ADK: variants seen among roughly 807,000 people sequenced by gnomAD.
ADK encodes the protein adenosine kinase.
ADK carries 24 observed loss-of-function variants against 44.7 expected under a neutral mutation model. The ratio of observed to expected loss-of-function variants is 0.54; its 90% CI spans 0.39 to 0.76. The LOEUF is 0.76. ADK is among the 30% of genes least tolerant of loss of function. The pLI, the probability that ADK is intolerant of heterozygous loss-of-function variation, is 0.00. For synonymous variants in ADK, 128 were observed against 142.6 expected (o/e 0.90, Z 0.73); for missense variants, 321 against 425.1 (o/e 0.76, Z 2.15).
rs574634154 is a variant in ADK, at chr10:74,175,859, C to T, written c.65+24516C>T. On this transcript the variant is annotated intron_variant, in intron 1 of 10. Coordinates refer to ENST00000539909, the MANE Select transcript of ADK (RefSeq NM_006721.4). Reference sequence around the variant, plus strand: ...AAGCATTTACTGATTCCCCCCTTTTCATAGTTGGAGTTAATTTTCCTTTTA... The same window carrying T: ...AAGCATTTACTGATTCCCCCCTTTTTATAGTTGGAGTTAATTTTCCTTTTA... Among the ~76,000 whole-genome samples the T allele has an allele frequency of 7.2e-5, 11 of 152,364 alleles. No individual in the cohort carries two copies. The South Asian group carries it at 1.7e-3, about 23-fold the overall frequency.
At chr10:74,158,287 G>A (rs1477382666) in intron 1 of ADK, among the ~76,000 whole-genome samples, 1 of 152,176 alleles carries the variant, frequency 6.6e-6, no homozygotes. Flanking sequence ...AAGTGGCCAA[G>A]TGCTGTGTGG....
At chr10:74,487,706 C>T (rs1847313454) in intron 6 of ADK, among the ~76,000 whole-genome samples, 1 of 151,924 alleles carries the variant, frequency 6.6e-6, no homozygotes, top group Admixed American at 6.6e-5. Context: ...ATATTGTATT[C>T]AGCTTTCCAT....
chr10:74,624,225 T>C (rs908727721), intron 9 of ADK, among the ~76,000 whole-genome samples: 3 of 151,766 alleles, frequency 2.0e-5, no homozygotes, highest in Non-Finnish European at 4.4e-5. Context: ...TTTTGATTCA[T>C]TGATTTTTTT....
chr10:74,474,073 A>G (rs886377130), intron 6 of ADK, among the ~76,000 whole-genome samples: 4 of 152,126 alleles, frequency 2.6e-5, no homozygotes, highest in Non-Finnish European at 4.4e-5. Context: ...TTAATAATTC[A>G]AATTCTTTAA....
At chr10:74,571,365 A>G (rs1281752774) in intron 7 of ADK, among the ~76,000 whole-genome samples, 2 of 152,192 alleles carry the variant, frequency 1.3e-5, no homozygotes, top group African/African-American at 2.4e-5. Flanking sequence ...AAGGAATGGT[A>G]CCAGCTCCTC....
chr10:74,464,365 A>T (rs993886195), intron 6 of ADK, among the ~76,000 whole-genome samples: 1 of 151,386 alleles, frequency 6.6e-6, no homozygotes, highest in Non-Finnish European at 1.5e-5. Flanking sequence ...TGGGCAACAT[A>T]GGGAGACCCC....
At chr10:74,600,311 T>G (rs1205994062) in intron 8 of ADK, 68 bp from the exon 9 acceptor site, 1 of 950,906 alleles carries the variant, frequency 1.1e-6, no homozygotes, top group Non-Finnish European at 1.7e-6. Context: ...GCTAAATTGT[T>G]AATCTACTAA....
intron 9 of ADK, among the ~76,000 whole-genome samples, chr10:74,613,003 A>G (rs1852613523): frequency 6.6e-6 from 1 of 152,038 alleles, no homozygotes; most frequent in Admixed American, 6.6e-5. Context: ...TTTTTGTGCC[A>G]ATACCATTGC....
chr10:74,599,458 C>T lies in ADK; in HGVS notation c.763-921C>T, dbSNP rs140920178. On this transcript the variant is annotated intron_variant, in intron 8 of 10. Coordinates refer to ENST00000539909, the MANE Select transcript of ADK (RefSeq NM_006721.4). ...TCTTATATATACTTTATTTATGCCACTCAGCTATATTTCCGCTCTGATAGG... is the reference window on the plus strand; with the variant it reads ...TCTTATATATACTTTATTTATGCCATTCAGCTATATTTCCGCTCTGATAGG... Among the ~76,000 whole-genome samples, 775 of 152,252 alleles carry T rather than the reference C, an allele frequency of 5.1e-3. 7 individuals carry two copies. The highest frequency in any genetic ancestry group is 7.0e-3 in the Non-Finnish European group (475 of 68,016).
chr10:74,171,707 A>G (rs1324399679), intron 1 of ADK, among the ~76,000 whole-genome samples: 8 of 152,168 alleles, frequency 5.3e-5, no homozygotes, highest in Admixed American at 3.3e-4. Context: ...TTTTAGGAAA[A>G]AAATAGGGTT....
At chr10:74,448,130 G>A (rs541943252) in intron 6 of ADK, among the ~76,000 whole-genome samples, 45 of 152,142 alleles carry the variant, frequency 3.0e-4, no homozygotes, top group Middle Eastern at 3.4e-3. Context: ...TCGAGATCAC[G>A]CCACTGCACT....
chr10:74,416,042 ACACAC>A (rs1844361738), intron 6 of ADK, among the ~76,000 whole-genome samples: 1 of 143,974 alleles, frequency 6.9e-6, no homozygotes, highest in African/African-American at 2.6e-5. Flanking sequence ...ATACACACAC[ACACAC>A]ACACACACAC....
intron 7 of ADK, among the ~76,000 whole-genome samples, chr10:74,571,891 G>A (rs1343800421): frequency 2.6e-4 from 39 of 152,176 alleles, no homozygotes; most frequent in Non-Finnish European, 1.5e-5. Context: ...TTGAGCCTAT[G>A]TGTGTCTCTG....
In ADK at chr10:74,592,580, A is replaced by AT. The variant is rs1018499043; in HGVS notation, c.762+3271dup. Among the ~76,000 whole-genome samples the AT allele has an allele frequency of 3.9e-5, 6 of 152,040 alleles. No homozygotes were observed. The East Asian group carries it at 7.7e-4, about 20-fold the overall frequency. ...TTTTACTCCAAGTAATAAATTTTAGATTTTTTTTAAATTTTAGATCTCTAA... is the reference window on the plus strand; with the variant it reads ...TTTTACTCCAAGTAATAAATTTTAGATTTTTTTTTAAATTTTAGATCTCTAA... On this transcript the variant is annotated intron_variant, in intron 8 of 10. Coordinates refer to ENST00000539909, the MANE Select transcript of ADK (RefSeq NM_006721.4).
intron 6 of ADK, among the ~76,000 whole-genome samples, chr10:74,416,037 C>T (rs1423367588): frequency 0.15 from 4,073 of 27,766 alleles, 151 homozygotes; most frequent in Middle Eastern, 0.37. Context: ...CATATATACA[C>T]ACACACACAC....
At chr10:74,543,478 A>G (rs1403721561) in intron 7 of ADK, among the ~76,000 whole-genome samples, 1 of 152,210 alleles carries the variant, frequency 6.6e-6, no homozygotes, top group Non-Finnish European at 1.5e-5. Flanking sequence ...TCAATGAATA[A>G]TCTTGTTCAT....
chr10:74,233,210 G>T (rs1372900217), intron 3 of ADK, among the ~76,000 whole-genome samples: 2 of 152,100 alleles, frequency 1.3e-5, no homozygotes, highest in Admixed American at 1.3e-4. Flanking sequence ...TCAATCATGA[G>T]AAAAACTGGG....
At chr10:74,462,820 A>G (rs977564319) in intron 6 of ADK, among the ~76,000 whole-genome samples, 2 of 152,196 alleles carry the variant, frequency 1.3e-5, no homozygotes, top group East Asian at 1.9e-4. Context: ...TATGAAAAAT[A>G]CCCTCTAAAT....
intron 6 of ADK, among the ~76,000 whole-genome samples, chr10:74,495,046 G>C (rs766126547): frequency 6.6e-6 from 1 of 152,008 alleles, no homozygotes; most frequent in Non-Finnish European, 1.5e-5. Flanking sequence ...TTTTTGAGAG[G>C]TCTGGTTCTT....
Sources: gnomAD v4.1 joint callset for allele counts (sites outside exome capture counted in the v4.1 genomes callset) on GRCh38, gnomAD v4.1.1 for gene constraint, MANE v1.5 for transcripts, NCBI Gene and HGNC (gene_info 2026-07-23, HGNC 2026-07-21) for gene names.